The following PCDH9 variants were observed in gnomAD, a reference collection of about 807,000 sequenced individuals.
PCDH9 encodes the protein protocadherin-9.
PCDH9 carries 24 observed loss-of-function variants against 70.6 expected under a neutral mutation model. That is an observed-to-expected ratio of 0.34 (90% CI 0.25 to 0.48). The LOEUF (loss-of-function observed/expected upper bound fraction) is 0.48, where lower values mean the gene tolerates loss of function less well. Among genes scored for constraint, PCDH9 ranks in the 20% least tolerant of loss-of-function variants. The pLI is 0.99. For missense variants in PCDH9, 1,281 were observed against 1,503.6 expected (o/e 0.85, Z 2.45); for synonymous variants, 562 against 558.5 (o/e 1.01, Z -0.09).
chr13:67,098,156 G>T (rs2138231152), intron 2 of PCDH9, among the ~76,000 whole-genome samples: 2 of 152,170 alleles, frequency 1.3e-5, no homozygotes, highest in African/African-American at 4.8e-5. Flanking sequence ...AACAACAAAA[G>T]ACACAGGAGG....
chr13:66,963,314 G>A (rs2083379177), intron 2 of PCDH9, among the ~76,000 whole-genome samples: 2 of 152,150 alleles, frequency 1.3e-5, no homozygotes, highest in South Asian at 4.1e-4. Flanking sequence ...ATAGGAAAAG[G>A]CAAAGTGCAA....
chr13:67,095,509 T>A (rs755513172), intron 2 of PCDH9, among the ~76,000 whole-genome samples: 1 of 152,168 alleles, frequency 6.6e-6, no homozygotes, highest in Non-Finnish European at 1.5e-5. Flanking sequence ...TCCTTTAATA[T>A]GGAAGAGAGG....
intron 4 of PCDH9, among the ~76,000 whole-genome samples, chr13:66,578,109 A>T (rs558046079): frequency 8.5e-5 from 13 of 152,230 alleles, no homozygotes; most frequent in African/African-American, 3.1e-4. Context: ...AATATGCTCC[A>T]TAAAGACACT....
chr13:67,192,269 T>C (rs1156718256), intron 2 of PCDH9, among the ~76,000 whole-genome samples: 1 of 152,156 alleles, frequency 6.6e-6, no homozygotes, highest in Non-Finnish European at 1.5e-5. Flanking sequence ...AAACCTACTA[T>C]ATTTTTGTGA....
chr13:67,000,836 C>T (rs1430451766), intron 2 of PCDH9, among the ~76,000 whole-genome samples: 1 of 152,096 alleles, frequency 6.6e-6, no homozygotes, highest in Non-Finnish European at 1.5e-5. Context: ...TAGTGTAAAG[C>T]TAAGAGACAA....
At chr13:66,661,134 A>G (rs1212355763) in intron 3 of PCDH9, among the ~76,000 whole-genome samples, 3 of 152,226 alleles carry the variant, frequency 2.0e-5, no homozygotes, top group South Asian at 2.1e-4. Flanking sequence ...TGGTTTAGCA[A>G]TAGCCATAAT....
intron 3 of PCDH9, among the ~76,000 whole-genome samples, chr13:66,840,670 A>G (rs2081100983): frequency 6.6e-6 from 1 of 152,234 alleles, no homozygotes; most frequent in African/African-American, 2.4e-5. Flanking sequence ...GCTGTGCTAT[A>G]GGAATGGCTC....
intron 2 of PCDH9, among the ~76,000 whole-genome samples, chr13:67,075,488 C>G (rs894129898): frequency 6.6e-6 from 1 of 152,086 alleles, no homozygotes; most frequent in African/African-American, 2.4e-5. Flanking sequence ...CTGCTACAGC[C>G]TCTCCCTGGC....
At chr13:66,585,133 G>T (rs933018742) in intron 4 of PCDH9, among the ~76,000 whole-genome samples, 31 of 151,936 alleles carry the variant, frequency 2.0e-4, no homozygotes, top group African/African-American at 6.5e-4. Flanking sequence ...GAAATTTGAT[G>T]GTAAGAAAGT....
intron 2 of PCDH9, among the ~76,000 whole-genome samples, chr13:66,995,019 C>T (rs1022323876): frequency 2.6e-5 from 4 of 152,200 alleles, no homozygotes; most frequent in African/African-American, 9.6e-5. Context: ...AGGACATCAG[C>T]GGCCTTGTCA....
At chr13:66,425,949 G>T (rs1442641790) in intron 4 of PCDH9, among the ~76,000 whole-genome samples, 2 of 151,530 alleles carry the variant, frequency 1.3e-5, no homozygotes, top group East Asian at 3.9e-4. Flanking sequence ...AGCCAAAAGG[G>T]ATGGAGACAT....
intron 4 of PCDH9, among the ~76,000 whole-genome samples, chr13:66,337,635 T>A (rs1956059733): frequency 7.6e-6 from 1 of 131,064 alleles, no homozygotes; most frequent in Non-Finnish European, 1.7e-5. Context: ...AAATACAGAC[T>A]CCTTGGCTAT....
At chr13:67,222,196 ATGT>A (rs960625780) in intron 2 of PCDH9, 2 of 150,206 alleles carry the variant, frequency 1.3e-5, no homozygotes, top group Admixed American at 6.7e-5. Flanking sequence ...GGAATGGATA[ATGT>A]TGTCGTTTTC....
intron 3 of PCDH9, among the ~76,000 whole-genome samples, chr13:66,861,223 C>T (rs181717501): frequency 6.6e-6 from 1 of 152,280 alleles, no homozygotes. Context: ...AAGTGCGGCA[C>T]TTTCAGTTCA....
chr13:67,183,482 A>G (rs2088669283), intron 2 of PCDH9, among the ~76,000 whole-genome samples: 1 of 152,114 alleles, frequency 6.6e-6, no homozygotes, highest in Admixed American at 6.5e-5. Flanking sequence ...TATTTTTATT[A>G]TGTTTCTCTT....
At chr13:66,792,479 G>A (rs1448277150) in intron 3 of PCDH9, among the ~76,000 whole-genome samples, 4 of 152,068 alleles carry the variant, frequency 2.6e-5, no homozygotes, top group Non-Finnish European at 4.4e-5. Flanking sequence ...AGACCACCCC[G>A]ACCAACATGG....
At chr13:67,201,768 T>G (rs2089218821) in intron 2 of PCDH9, 1 of 151,996 alleles carries the variant, frequency 6.6e-6, no homozygotes, top group Non-Finnish European at 1.5e-5. Flanking sequence ...ATTTCCCCTA[T>G]AATTCTTTAA....
intron 3 of PCDH9, among the ~76,000 whole-genome samples, chr13:66,809,781 C>CA (rs11385936): frequency 0.61 from 92,001 of 151,528 alleles, 28,047 homozygotes; most frequent in East Asian, 0.66. Context: ...TAGTACTTGG[C>CA]AAAAAAAAGA....
At chr13:66,857,673 T>C (rs2081416943) in intron 3 of PCDH9, among the ~76,000 whole-genome samples, 2 of 152,010 alleles carry the variant, frequency 1.3e-5, no homozygotes, top group Non-Finnish European at 2.9e-5. Flanking sequence ...TATTCATATA[T>C]TTTTTTTCTA....
Sources: gnomAD v4.1 joint callset for allele counts (sites outside exome capture counted in the v4.1 genomes callset) on GRCh38, gnomAD v4.1.1 for gene constraint, MANE v1.5 for transcripts, NCBI Gene and HGNC (gene_info 2026-07-23, HGNC 2026-07-21) for gene names.